ZNF892: variants seen among roughly 807,000 people sequenced by gnomAD.
ZNF892 encodes zinc finger protein 892, also known as zinc finger protein 570-like.
At chr2:95,263,567 A>T in the ZNF892 span, among the ~76,000 whole-genome samples, 2 of 152,186 alleles carry the variant, frequency 1.3e-5, no homozygotes, top group Non-Finnish European at 2.9e-5. Context: ...AAAAAGAACT[A>T]TACTGCAAAA....
chr2:95,219,933 C>G, the ZNF892 span, among the ~76,000 whole-genome samples: 1 of 152,176 alleles, frequency 6.6e-6, no homozygotes, highest in African/African-American at 2.4e-5. Flanking sequence ...TTGCTACTTA[C>G]ATGGCCTCGA....
At chr2:95,236,032 C>A in the ZNF892 span, among the ~76,000 whole-genome samples, 8 of 152,272 alleles carry the variant, frequency 5.3e-5, no homozygotes, top group Non-Finnish European at 2.9e-5. Context: ...TCTTTATTCA[C>A]CTGGAAGGCA....
the ZNF892 span, among the ~76,000 whole-genome samples, chr2:95,209,723 TG>T: frequency 6.6e-6 from 1 of 152,224 alleles, no homozygotes; most frequent in African/African-American, 2.4e-5. Context: ...AGTGTCTGAT[TG>T]GCCTGCCTGT....
At chr2:95,208,928 G>T in the ZNF892 span, among the ~76,000 whole-genome samples, 1 of 152,178 alleles carries the variant, frequency 6.6e-6, no homozygotes, top group African/African-American at 2.4e-5. Flanking sequence ...CTTTCTCTCT[G>T]CCCACTGAGT....
At chr2:95,244,003 ATTC>A in the ZNF892 span, among the ~76,000 whole-genome samples, 1 of 151,642 alleles carries the variant, frequency 6.6e-6, no homozygotes, top group African/African-American at 2.4e-5. Flanking sequence ...ACTAAGAAAA[ATTC>A]TTCTGCCTTG....
the ZNF892 span, among the ~76,000 whole-genome samples, chr2:95,217,580 C>T: frequency 6.6e-6 from 1 of 152,184 alleles, no homozygotes; most frequent in Admixed American, 6.5e-5. Flanking sequence ...TTCCAAAATA[C>T]ATTTGTGATC....
chr2:95,250,298 G>A, the ZNF892 span, among the ~76,000 whole-genome samples: 1 of 151,868 alleles, frequency 6.6e-6, no homozygotes, highest in Non-Finnish European at 1.5e-5. Flanking sequence ...AACCCAGGTA[G>A]AATAAGTTGT....
the ZNF892 span, among the ~76,000 whole-genome samples, chr2:95,235,146 G>GA: frequency 1.6e-3 from 245 of 152,288 alleles, 1 homozygote; most frequent in Middle Eastern, 3.4e-3. Flanking sequence ...GAGAGAACAG[G>GA]AAAAAGCAAA....
At chr2:95,257,120 C>T in the ZNF892 span, among the ~76,000 whole-genome samples, 3 of 152,200 alleles carry the variant, frequency 2.0e-5, no homozygotes, top group Admixed American at 2.0e-4. Context: ...TGGTGAGGGG[C>T]TGCATTCCTT....
chr2:95,233,771 A>G, the ZNF892 span, among the ~76,000 whole-genome samples: 2,840 of 145,282 alleles, frequency 0.02, 47 homozygotes, highest in Middle Eastern at 0.064. Flanking sequence ...GAGTGCTGGG[A>G]TTACAGGCAT....
At chr2:95,238,191 C>A in the ZNF892 span, among the ~76,000 whole-genome samples, 2 of 152,190 alleles carry the variant, frequency 1.3e-5, no homozygotes, top group African/African-American at 4.8e-5. Flanking sequence ...TGTGTGGCTT[C>A]AAAACTTCAT....
chr2:95,247,725 C>G, the ZNF892 span, among the ~76,000 whole-genome samples: 10 of 152,026 alleles, frequency 6.6e-5, no homozygotes, highest in Admixed American at 4.6e-4. Context: ...AAGTGGCCAA[C>G]AAACATATGA....
chr2:95,211,174 C>G, the ZNF892 span, among the ~76,000 whole-genome samples: 1 of 152,076 alleles, frequency 6.6e-6, no homozygotes, highest in African/African-American at 2.4e-5. Flanking sequence ...ATATATGGGA[C>G]TGATTTCATT....
the ZNF892 span, among the ~76,000 whole-genome samples, chr2:95,218,483 C>T: frequency 3.9e-5 from 6 of 152,140 alleles, no homozygotes; most frequent in Non-Finnish European, 7.3e-5. Flanking sequence ...ATAACATGTA[C>T]CTCATTGCCA....
chr2:95,217,995 G>A, the ZNF892 span, among the ~76,000 whole-genome samples: 1 of 152,238 alleles, frequency 6.6e-6, no homozygotes, highest in South Asian at 2.1e-4. Context: ...TCTCTAGTCT[G>A]GTTCTGTAGG....
the ZNF892 span, among the ~76,000 whole-genome samples, chr2:95,247,733 T>A: frequency 2.2e-3 from 334 of 152,044 alleles, no homozygotes; most frequent in African/African-American, 7.2e-3. Context: ...AACAAACATA[T>A]GAAAAAATGC....
chr2:95,226,221 T>G, the ZNF892 span, among the ~76,000 whole-genome samples: 2 of 152,250 alleles, frequency 1.3e-5, no homozygotes, highest in Non-Finnish European at 2.9e-5. Context: ...AATCTAGGGC[T>G]ACATTTAAGA....
the ZNF892 span, among the ~76,000 whole-genome samples, chr2:95,249,310 G>A: frequency 8.0e-6 from 1 of 125,300 alleles, no homozygotes; most frequent in Non-Finnish European, 1.6e-5. Context: ...GCACGATCTC[G>A]GCTCACTGCA....
chr2:95,260,714 G>C, the ZNF892 span, among the ~76,000 whole-genome samples: 1 of 152,298 alleles, frequency 6.6e-6, no homozygotes, highest in East Asian at 1.9e-4. Context: ...GTCTCCCTGG[G>C]CCCAGGCAAA....
Sources: allele counts gnomAD v4.1 joint callset (sites outside exome capture counted in the v4.1 genomes callset), GRCh38; gene constraint gnomAD v4.1.1; transcripts MANE v1.5; gene names NCBI Gene and HGNC (gene_info 2026-07-23, HGNC 2026-07-21).